The following KIF26B variants were observed in gnomAD, a reference collection of about 807,000 sequenced individuals.
KIF26B encodes the protein kinesin-like protein KIF26B.
A neutral mutation model predicts 151.2 loss-of-function variants in KIF26B; 63 were observed. That is an observed-to-expected ratio of 0.42 (90% CI 0.34 to 0.51). The LOEUF (loss-of-function observed/expected upper bound fraction) is 0.51. KIF26B is among the 20% of genes least tolerant of loss of function. The pLI is 0.07. For synonymous variants in KIF26B, 1,357 were observed against 1,262.1 expected, an observed-to-expected ratio of 1.08 and a Z score of -1.59; for missense variants, 2,813 against 2,913.6, an observed-to-expected ratio of 0.97 and a Z score of 0.79.
intron 2 of KIF26B, among the ~76,000 whole-genome samples, chr1:245,337,698 A>G (rs1448777815): frequency 1.3e-5 from 2 of 152,202 alleles, no homozygotes; most frequent in Admixed American, 6.5e-5. Flanking sequence ...GTGTGTGTTT[A>G]TAGGTGCACA....
At position 245,212,239 on chromosome 1, in the gene KIF26B, G is replaced by T. The variant is rs535666475; in HGVS notation, c.465+55556G>T. 2.0e-5 allele frequency among the ~76,000 whole-genome samples: 3 copies of T among 152,258 alleles called. No homozygotes were observed. In the East Asian group the frequency reaches 5.8e-4, roughly 29 times the overall value. ...CACTTGGGAGAGAAGTGTCTTTATT[G>T]CTCATCCCCATTTTAAAGGTGGGTA... On this transcript the variant is annotated intron_variant, in intron 2 of 14. Coordinates refer to ENST00000407071, the MANE Select transcript of KIF26B (RefSeq NM_018012.4).
rs1448045065 is a variant in KIF26B, at chr1:245,563,121, A to G, written c.1350+22171A>G. Among the ~76,000 whole-genome samples the G allele has an allele frequency of 6.6e-6, 1 of 152,180 alleles. No individual in the cohort carries two copies. The highest frequency in any genetic ancestry group is 2.4e-5 in the African/African-American group (1 of 41,444). On this transcript the variant is annotated intron_variant, in intron 5 of 14. Coordinates refer to ENST00000407071, the MANE Select transcript of KIF26B (RefSeq NM_018012.4). This position sits in a 1 kb window ranked among gnomAD's most constrained non-coding sequence, Gnocchi z 4.6. ...GGAATGAATGTGAGGTCACTAGTCA[A>G]TGATTCTGAAATGAGTCTATTGAAG...
intron 2 of KIF26B, among the ~76,000 whole-genome samples, chr1:245,300,792 G>C (rs996304542): frequency 6.6e-6 from 1 of 151,210 alleles, no homozygotes; most frequent in Admixed American, 6.6e-5. Context: ...GCTTCCCAAA[G>C]TGCTGGGATT....
At chr1:245,655,743 A>G (rs1343553084) in intron 10 of KIF26B, among the ~76,000 whole-genome samples, 2 of 152,238 alleles carry the variant, frequency 1.3e-5, no homozygotes, top group Admixed American at 6.5e-5. Flanking sequence ...ATGCAAGCCG[A>G]GTACTTCTGC....
chr1:245,363,406 G>A (rs2103007548), intron 2 of KIF26B, among the ~76,000 whole-genome samples: 1 of 152,126 alleles, frequency 6.6e-6, no homozygotes, highest in African/African-American at 2.4e-5. Flanking sequence ...ATGTTGGGCA[G>A]GCTGGTCTCG....
In KIF26B at chr1:245,695,830, C is replaced by T. The variant is rs1412024721; in HGVS notation, c.5825-2276C>T. On this transcript the variant is annotated intron_variant, in intron 12 of 14. Transcript: ENST00000407071. ...TCTCCAGGTGTTTTTACCTTCTCTA[C>T]TCCCAGCTCACACGGTGCCCTGGCA... Among the ~76,000 whole-genome samples, 5 of 103,280 alleles carry T rather than the reference C, an allele frequency of 4.8e-5. 1 individual carries two copies. Among genetic ancestry groups the T allele is most frequent in the Non-Finnish European group, 2.3e-5 (1 of 42,650 alleles). The allele number at this position is 103,280 out of a possible 152,430, so 67.8% of individuals were successfully genotyped here.
intron 9 of KIF26B, among the ~76,000 whole-genome samples, chr1:245,631,222 CTT>C (rs1378062030): frequency 6.6e-6 from 1 of 152,140 alleles, no homozygotes; most frequent in Non-Finnish European, 1.5e-5. Flanking sequence ...AAAAAAAAGG[CTT>C]TTAGCTTTTC....
intron 2 of KIF26B, among the ~76,000 whole-genome samples, chr1:245,235,245 C>G (rs1670083227): frequency 6.6e-6 from 1 of 152,132 alleles, no homozygotes; most frequent in East Asian, 1.9e-4. Flanking sequence ...TGTCCTTTGT[C>G]ATTCAAAGTG....
At chr1:245,550,592 C>G (rs903876371) in intron 5 of KIF26B, among the ~76,000 whole-genome samples, 2 of 152,232 alleles carry the variant, frequency 1.3e-5, no homozygotes. Flanking sequence ...TCAGGCCAGC[C>G]TGGGGCAAAA....
chr1:245,385,396 A>G (rs758652922), intron 3 of KIF26B, among the ~76,000 whole-genome samples: 3 of 152,226 alleles, frequency 2.0e-5, no homozygotes, highest in Non-Finnish European at 4.4e-5. Context: ...TATATATGCT[A>G]TTAGTATAAT....
chr1:245,302,542 T>C (rs1037311627), intron 2 of KIF26B, among the ~76,000 whole-genome samples: 2 of 152,214 alleles, frequency 1.3e-5, no homozygotes, highest in Admixed American at 1.3e-4. Context: ...TGCCATCAAT[T>C]CAGCAGCAAG....
At chr1:245,542,657 C>A (rs1245796365) in intron 5 of KIF26B, among the ~76,000 whole-genome samples, 1 of 152,350 alleles carries the variant, frequency 6.6e-6, no homozygotes, top group East Asian at 1.9e-4. Context: ...CGGGTGTGAT[C>A]GTGGATGGTT....
At chr1:245,397,042 T>C (rs1188498048) in intron 3 of KIF26B, among the ~76,000 whole-genome samples, 3 of 151,336 alleles carry the variant, frequency 2.0e-5, no homozygotes, top group Non-Finnish European at 2.9e-5. Flanking sequence ...CACTGTAGCC[T>C]CTACCACCCT....
chr1:245,572,256 A>C lies in KIF26B; in HGVS notation c.1351-30321A>C, dbSNP rs1418764822. On this transcript the variant is annotated intron_variant, in intron 5 of 14. Transcript: ENST00000407071. The surrounding 1 kb of genome is among the most constrained non-coding windows in gnomAD (Gnocchi z 4.2). ...CTGGAATGTTTCAGAGCACCCTTTC[A>C]TGCCTGGTCAGGGTTGTGATCCCTT... Among the ~76,000 whole-genome samples the C allele has an allele frequency of 6.6e-6, 1 of 152,124 alleles. No homozygotes were observed. Among genetic ancestry groups the C allele is most frequent in the Non-Finnish European group, 1.5e-5 (1 of 68,028 alleles).
Position 245,686,683 on chromosome 1 carries a change from A to G in KIF26B, c.3700A>G (p.Ser1234Gly). ...CTCGCGGCCCGTCAGCATCATCAGC[A>G]GCATCAGCGAGGACCTGGAGTGCTA... ...SGSRPVSIIS[S>G]ISEDLECYSS... The change falls in exon 12 of 15, where the codon AGC becomes GGC. Residue 1234 changes from serine (S) to glycine (G), a missense_variant. Coordinates refer to ENST00000407071, the MANE Select transcript of KIF26B (RefSeq NM_018012.4). The surrounding 1 kb of genome is among the most constrained non-coding windows in gnomAD (Gnocchi z 5.6). 1 of 1,612,656 alleles carries G rather than the reference A, an allele frequency of 6.2e-7. No homozygotes were observed. The highest frequency in any genetic ancestry group is 1.7e-5 in the Admixed American group (1 of 59,916).
At chr1:245,430,915 T>C (rs1208330682) in intron 4 of KIF26B, among the ~76,000 whole-genome samples, 4 of 152,192 alleles carry the variant, frequency 2.6e-5, no homozygotes, top group East Asian at 1.9e-4. Context: ...CAAGCCAGAA[T>C]ATAAGCTCCA....
intron 2 of KIF26B, among the ~76,000 whole-genome samples, chr1:245,345,081 C>T (rs1672420157): frequency 6.6e-6 from 1 of 152,200 alleles, no homozygotes; most frequent in Non-Finnish European, 1.5e-5. Flanking sequence ...AAATTTTCTT[C>T]TCTTGCATTC....
intron 4 of KIF26B, among the ~76,000 whole-genome samples, chr1:245,538,842 G>A (rs1453119537): frequency 6.6e-6 from 1 of 152,146 alleles, no homozygotes; most frequent in African/African-American, 2.4e-5. Flanking sequence ...GCAGAGGTGT[G>A]TGCGGGTGTT....
intron 2 of KIF26B, among the ~76,000 whole-genome samples, chr1:245,210,321 G>T (rs781479242): frequency 6.6e-6 from 1 of 152,202 alleles, no homozygotes; most frequent in Non-Finnish European, 1.5e-5. Context: ...CGGGGCAGCT[G>T]CTGGGACCAC....
Sources: allele counts gnomAD v4.1 joint callset (sites outside exome capture counted in the v4.1 genomes callset), GRCh38; gene constraint gnomAD v4.1.1; non-coding constraint Gnocchi (gnomAD v3.1); transcripts MANE v1.5; gene names NCBI Gene and HGNC (gene_info 2026-07-23, HGNC 2026-07-21).